The following GRID2 variants were observed in gnomAD, a reference collection of about 807,000 sequenced individuals.
GRID2 encodes the protein glutamate ionotropic receptor delta type subunit 2, also known as glutamate receptor ionotropic, delta-2.
In GRID2, 33 loss-of-function variants were observed where a neutral mutation model predicts 114.8. The ratio of observed to expected loss-of-function variants is 0.29; its 90% CI spans 0.22 to 0.38. The LOEUF (loss-of-function observed/expected upper bound fraction) is 0.38. Among genes scored for constraint, GRID2 ranks in the 10% least tolerant of loss-of-function variants. The pLI, the probability that GRID2 is intolerant of heterozygous loss-of-function variation, is 1.00. For synonymous variants in GRID2, 505 were observed against 449.9 expected, an observed-to-expected ratio of 1.12 and a Z score of -1.55; for missense variants, 1,184 against 1,257.7, an observed-to-expected ratio of 0.94 and a Z score of 0.89.
chr4:92,339,475 A>G (rs1454485784), intron 1 of GRID2, among the ~76,000 whole-genome samples: 2 of 152,162 alleles, frequency 1.3e-5, no homozygotes, highest in East Asian at 1.9e-4. Context: ...GGTACCATTT[A>G]TCGACTATAT....
chr4:92,809,433 C>A (rs114987206), intron 2 of GRID2, among the ~76,000 whole-genome samples: 1 of 151,854 alleles, frequency 6.6e-6, no homozygotes, highest in Non-Finnish European at 1.5e-5. Flanking sequence ...CCTACTCATA[C>A]AGTTAGTGAT....
At chr4:92,597,863 A>G (rs1357857819) in intron 2 of GRID2, among the ~76,000 whole-genome samples, 2 of 152,222 alleles carry the variant, frequency 1.3e-5, no homozygotes, top group Non-Finnish European at 2.9e-5. Flanking sequence ...TTATGTAGTC[A>G]TAAAATAATT....
At chr4:92,790,129 T>C (rs1282455694) in intron 2 of GRID2, among the ~76,000 whole-genome samples, 2 of 151,864 alleles carry the variant, frequency 1.3e-5, no homozygotes, top group African/African-American at 4.8e-5. Context: ...CGTGTATACA[T>C]ATATAAGTAT....
chr4:92,881,995 A>G (rs917667310), intron 2 of GRID2, among the ~76,000 whole-genome samples: 14 of 152,102 alleles, frequency 9.2e-5, no homozygotes, highest in Admixed American at 5.2e-4. Flanking sequence ...TGTGCTGGTA[A>G]TATTCTTAGG....
intron 9 of GRID2, among the ~76,000 whole-genome samples, chr4:93,415,765 A>C (rs1767640085): frequency 6.6e-6 from 1 of 152,086 alleles, no homozygotes; most frequent in South Asian, 2.1e-4. Flanking sequence ...TTTAAAAATC[A>C]ATCATCTTGC....
At chr4:93,608,041 T>TAC (rs1003376229) in intron 13 of GRID2, among the ~76,000 whole-genome samples, 30 of 138,382 alleles carry the variant, frequency 2.2e-4, no homozygotes, top group African/African-American at 6.2e-4. Flanking sequence ...TGTCTAACTT[T>TAC]ACATATATAT....
chr4:92,319,856 C>A (rs1008366886), intron 1 of GRID2, among the ~76,000 whole-genome samples: 5 of 152,290 alleles, frequency 3.3e-5, no homozygotes, highest in Admixed American at 6.5e-5. Flanking sequence ...GGAATAATAA[C>A]AATAGCTCCC....
chr4:92,516,761 T>C (rs1724521898), intron 1 of GRID2, among the ~76,000 whole-genome samples: 1 of 151,884 alleles, frequency 6.6e-6, no homozygotes, highest in South Asian at 2.1e-4. Flanking sequence ...TCCTGCAGTG[T>C]AAATTCCCAA....
chr4:92,457,858 C>T (rs1179351167), intron 1 of GRID2, among the ~76,000 whole-genome samples: 1 of 152,176 alleles, frequency 6.6e-6, no homozygotes, highest in African/African-American at 2.4e-5. Flanking sequence ...AGCACTCTTG[C>T]ACCTTCCCCC....
intron 13 of GRID2, among the ~76,000 whole-genome samples, chr4:93,543,138 T>C (rs1046073607): frequency 2.0e-5 from 3 of 152,116 alleles, no homozygotes; most frequent in African/African-American, 4.8e-5. Context: ...TTAAATAAAA[T>C]GAAAAACACC....
intron 9 of GRID2, among the ~76,000 whole-genome samples, chr4:93,399,151 C>T (rs954110825): frequency 4.3e-4 from 66 of 151,970 alleles, no homozygotes; most frequent in African/African-American, 1.5e-3. Context: ...CAAGTATTTA[C>T]GTCCAACACT....
At chr4:93,116,983 G>C (rs1365697500) in intron 4 of GRID2, among the ~76,000 whole-genome samples, 2 of 152,054 alleles carry the variant, frequency 1.3e-5, no homozygotes, top group Non-Finnish European at 2.9e-5. Context: ...GAATTTTATA[G>C]AACCTAACTA....
intron 2 of GRID2, among the ~76,000 whole-genome samples, chr4:92,593,657 C>T (rs986356066): frequency 6.6e-6 from 1 of 151,754 alleles, no homozygotes; most frequent in Non-Finnish European, 1.5e-5. Context: ...CTTTGAAATA[C>T]ATGAATAATA....
chr4:92,751,525 T>C lies in GRID2; in HGVS notation c.244+161239T>C, dbSNP rs528450013. ...TCCAAGTTGAGTAACTGCAAAGAGA[T>C]AGTTCTTAGAAATAGACAAGCTTAA... On this transcript the variant is annotated intron_variant, in intron 2 of 15. Transcript: ENST00000282020. Among the ~76,000 whole-genome samples the C allele has an allele frequency of 5.9e-5, 9 of 152,340 alleles. No homozygotes were observed. The South Asian group carries it at 1.9e-3, about 32-fold the overall frequency.
chr4:93,464,230 GA>G (rs1724048147), intron 11 of GRID2, among the ~76,000 whole-genome samples: 2 of 152,052 alleles, frequency 1.3e-5, no homozygotes, highest in African/African-American at 4.8e-5. Context: ...AAATTATTTA[GA>G]ATATAAATTT....
intron 8 of GRID2, among the ~76,000 whole-genome samples, chr4:93,346,367 G>A (rs995431531): frequency 6.6e-6 from 1 of 152,048 alleles, no homozygotes; most frequent in Non-Finnish European, 1.5e-5. Context: ...GAACAAATAG[G>A]ACTGGAAGCT....
Position 93,455,839 on chromosome 4 carries a change from G to A in GRID2, c.1723G>A (p.Gly575Ser). The A allele has an allele frequency of 6.2e-7, 1 of 1,612,852 alleles. No individual in the cohort carries two copies. Among genetic ancestry groups the A allele is most frequent in the East Asian group, 2.2e-5 (1 of 44,834 alleles). Residue 575 changes from glycine (G) to serine (S), a missense_variant, in exon 11 of 16, where the codon GGC becomes AGC. Gly to Ser is a moderately conservative substitution (Grantham distance 56, BLOSUM62 0). This residue lies in a region of GRID2 where 717 missense variants were observed against 796.9 expected (regional missense o/e 0.90). Transcript: ENST00000282020. Reference protein sequence around the residue: ...FDLSLWACIAGTVLLVGLLVY... With the variant: ...FDLSLWACIASTVLLVGLLVY... ...TCTCTCTCTATGGGCTTGCATTGCT[G>A]GCACAGTCCTTCTGGTGGGTCTACT... is the stretch of plus-strand genomic sequence containing the variant.
chr4:93,114,371 A>G (rs1171251599), intron 4 of GRID2, among the ~76,000 whole-genome samples: 2 of 152,146 alleles, frequency 1.3e-5, no homozygotes, highest in Admixed American at 6.6e-5. Context: ...CCTGAACTTT[A>G]TACTTATAAT....
chr4:93,011,080 A>C (rs565364354), intron 2 of GRID2, among the ~76,000 whole-genome samples: 1 of 149,704 alleles, frequency 6.7e-6, no homozygotes, highest in South Asian at 2.1e-4. Flanking sequence ...ATAATTTTTT[A>C]ATATGTCCAG....
Sources: allele counts gnomAD v4.1 joint callset (sites outside exome capture counted in the v4.1 genomes callset), GRCh38; gene constraint gnomAD v4.1.1; regional missense constraint gnomAD v4.1.1; transcripts MANE v1.5; gene names NCBI Gene and HGNC (gene_info 2026-07-23, HGNC 2026-07-21).